Variants in TLN1 observed in about 807,000 individuals in gnomAD.
The protein encoded by TLN1 is talin 1.
TLN1 carries 56 observed loss-of-function variants against 292.3 expected under a neutral mutation model. The observed-to-expected ratio is 0.19, with a 90% confidence interval of 0.15 to 0.24. The LOEUF (loss-of-function observed/expected upper bound fraction) is 0.24. Among genes scored for constraint, TLN1 ranks in the 10% least tolerant of loss-of-function variants. TLN1 has a pLI of 1.00. For synonymous variants in TLN1, 1,119 were observed against 1,253.7 expected, an observed-to-expected ratio of 0.89 and a Z score of 2.27; for missense variants, 2,433 against 3,248.2, an observed-to-expected ratio of 0.75 and a Z score of 6.10.
At chr9:35,721,988 G>A in intron 9 of TLN1, 131 bp downstream of exon 9, 1 of 1,148,238 alleles carries the variant, frequency 8.7e-7, no homozygotes, top group Non-Finnish European at 1.3e-6. Context: ...CATGAGGTCA[G>A]AGCAAGGAAG....
In TLN1 at chr9:35,708,479, T is replaced by C. The variant is rs766678363; in HGVS notation, c.4332A>G (p.Ala1444=). The C allele has an allele frequency of 1.3e-6, 2 of 1,575,562 alleles. No individual in the cohort carries two copies. The highest frequency in any genetic ancestry group is 1.7e-6 in the Non-Finnish European group (2 of 1,157,006). ...TGGGGTCAGAGACACCAACCAGATA[T>C]GCAGCCTGGGAAGAGAAAAGGGGGT... ...CGFTEAAAQA[A]YLVGVSDPNS... is the part of the protein sequence containing the mutation. Residue 1444 remains alanine (A), a synonymous_variant, in exon 34 of 57, where the codon GCA becomes GCG. Transcript: ENST00000314888.
intron 25 of TLN1, 130 bp from the exon 26 acceptor site, chr9:35,713,428 A>G (rs1825712743): frequency 2.9e-6 from 2 of 679,904 alleles, no homozygotes. Flanking sequence ...TCCCACCTAT[A>G]ATCCTAGCAC....
chr9:35,725,523 A>G (rs1199907420), intron 2 of TLN1, 42 bp downstream of exon 2: 1 of 1,603,352 alleles, frequency 6.2e-7, no homozygotes, highest in Non-Finnish European at 8.5e-7. Flanking sequence ...ACAAGAAGGG[A>G]CTGAAGACTC....
intron 1 of TLN1, among the ~76,000 whole-genome samples, chr9:35,726,440 C>CTCCTGCTGTG (rs1825979946): frequency 6.6e-6 from 1 of 152,190 alleles, no homozygotes; most frequent in South Asian, 2.1e-4. Context: ...CTCTCTTTGT[C>CTCCTGCTGTG]TCCTGCTGTG....
rs754302078 is a variant in TLN1, at chr9:35,716,555, C to T, written c.2460G>A (p.Gly820=). Residue 820 remains glycine (G), a splice_region_variant and synonymous_variant, in exon 20 of 57, where the codon GGG becomes GGA. Coordinates refer to ENST00000314888, the MANE Select transcript of TLN1 (RefSeq NM_006289.4). ...GGATGCGGGCCTGTCGCACCATCTCCCCTGAGAGCATAGGGCACAGTCAGG... is the reference window on the plus strand; with the variant it reads ...GGATGCGGGCCTGTCGCACCATCTCTCCTGAGAGCATAGGGCACAGTCAGG... ...ENIFSSMGDA[G]EMVRQARILA... 2 of 1,613,698 alleles carry T rather than the reference C, an allele frequency of 1.2e-6. No individual in the cohort carries two copies. Among genetic ancestry groups the T allele is most frequent in the African/African-American group, 1.3e-5 (1 of 74,916 alleles).
intron 56 of TLN1, 46 bp from the exon 57 acceptor site, chr9:35,697,962 G>C (rs1220598087): frequency 6.2e-7 from 1 of 1,613,826 alleles, no homozygotes; most frequent in Non-Finnish European, 8.5e-7. Context: ...ATGCACAGCA[G>C]GGGCATAGGG....
intron 10 of TLN1, 151 bp downstream of exon 10, chr9:35,721,497 T>C (rs1825878323): frequency 2.6e-6 from 2 of 770,412 alleles, no homozygotes; most frequent in African/African-American, 3.5e-5. Flanking sequence ...AGCCTCACAC[T>C]CTCCCAGAGG....
Position 35,704,394 on chromosome 9 carries a change from G to T in TLN1, c.5985C>A (p.Thr1995=), listed in dbSNP as rs777489525. 6.2e-7 allele frequency: 1 copy of T among 1,614,230 alleles called. No homozygotes were observed. The highest frequency in any genetic ancestry group is 1.3e-5 in the African/African-American group (1 of 75,064). The change falls in exon 45 of 57, where the codon ACC becomes ACA. Residue 1995 remains threonine, a synonymous_variant. Coordinates refer to ENST00000314888, the MANE Select transcript of TLN1 (RefSeq NM_006289.4). The surrounding 1 kb of genome is among the most constrained non-coding windows in gnomAD (Gnocchi z 6.9). ...VSGIIADLDT[T]IMFATAGTLN... is the part of the protein sequence containing the mutation. ...GCGTGCCAGCAGTGGCGAACATGAT[G>T]GTGGTGTCGAGGTCAGCAATGATAC...
At position 35,706,385 on chromosome 9, in the gene TLN1, C is replaced by G. The variant is rs1825565827; in HGVS notation, c.5191-19G>C. 1 of 1,611,162 alleles carries G rather than the reference C, an allele frequency of 6.2e-7. No homozygotes were observed. Among genetic ancestry groups the G allele is most frequent in the Non-Finnish European group, 8.5e-7 (1 of 1,178,408 alleles). ...GGGACACCTGAGGCAAGGGGTTGGACTAGGGGTCAGGTCCCCTCTCTCTCA... is the reference window on the plus strand; with the variant it reads ...GGGACACCTGAGGCAAGGGGTTGGAGTAGGGGTCAGGTCCCCTCTCTCTCA... On this transcript the variant is annotated intron_variant, in intron 39 of 56. Transcript: ENST00000314888. This position sits in a 1 kb window ranked among gnomAD's most constrained non-coding sequence, Gnocchi z 4.2.
chr9:35,712,592 G>A (rs1432802544), intron 27 of TLN1, among the ~76,000 whole-genome samples: 1 of 149,516 alleles, frequency 6.7e-6, no homozygotes, highest in Non-Finnish European at 1.5e-5. Flanking sequence ...AGACTGCACT[G>A]AGCCGAAATT....
At position 35,704,173 on chromosome 9, in the gene TLN1, C is replaced by T; in HGVS notation, c.6049G>A (p.Glu2017Lys). The T allele has an allele frequency of 6.3e-7, 1 of 1,588,724 alleles. No individual in the cohort carries two copies. Among genetic ancestry groups the T allele is most frequent in the Non-Finnish European group, 8.6e-7 (1 of 1,166,034 alleles). ...EGTETFADHR[E>K]GILKTAKVLV... ...ACCTTCGCAGTCTTCAGGATGCCCT[C>T]CCTGAGGGAGGGCCCAGCTTAGTCA... Residue 2017 changes from glutamate (E) to lysine (K), a missense_variant and splice_region_variant, in exon 46 of 57, where the codon GAG (glutamate) becomes AAG (lysine). Glu to Lys is a moderately conservative substitution (Grantham distance 56, BLOSUM62 1). Coordinates refer to ENST00000314888, the MANE Select transcript of TLN1 (RefSeq NM_006289.4). The surrounding 1 kb of genome is among the most constrained non-coding windows in gnomAD (Gnocchi z 6.9).
At position 35,699,103 on chromosome 9, in the gene TLN1, G is replaced by A. The variant is rs1393847864; in HGVS notation, c.6928C>T (p.Leu2310=). ...GCCTCAATGGCGGCTGCAGCTCCCA[G>A]GAGCTCATTCTCAGCAATGACTGTG... The part of the protein sequence containing the change: ...DPTVIAENEL[L]GAAAAIEAAA... Residue 2310 remains leucine (L), a synonymous_variant, in exon 52 of 57, where the codon CTG becomes TTG. Coordinates refer to ENST00000314888, the MANE Select transcript of TLN1 (RefSeq NM_006289.4). This position sits in a 1 kb window ranked among gnomAD's most constrained non-coding sequence, Gnocchi z 4.0. 1.2e-6 allele frequency: 2 copies of A among 1,613,990 alleles called. No homozygotes were observed. The highest frequency in any genetic ancestry group is 2.2e-5 in the East Asian group (1 of 44,880).
At chr9:35,728,611 TCACACAGCCCC>T (rs1826018544) in intron 1 of TLN1, among the ~76,000 whole-genome samples, 1 of 152,272 alleles carries the variant, frequency 6.6e-6, no homozygotes. Context: ...ATTATCTCAA[TCACACAGCCCC>T]CACACAGATC....
Position 35,712,898 on chromosome 9 carries a change from A to G in TLN1, c.3498T>C (p.Ile1166=). 2.5e-6 allele frequency: 4 copies of G among 1,603,490 alleles called. No homozygotes were observed. Among genetic ancestry groups the G allele is most frequent in the Non-Finnish European group, 3.4e-6 (4 of 1,174,764 alleles). Residue 1166 remains isoleucine (I), a synonymous_variant, in exon 27 of 57, where the codon ATT becomes ATC. Coordinates refer to ENST00000314888, the MANE Select transcript of TLN1 (RefSeq NM_006289.4). ...GGCCAGCTGCCTTTTTCGCCTCCTC[A>G]ATGAGGCTGCTGGCCTTGTCCAGCA... ...SDVLDKASSL[I]EEAKKAAGHP...
At position 35,719,896 on chromosome 9, in the gene TLN1, G is replaced by C. The variant is rs201749125; in HGVS notation, c.1465-43C>G. The C allele has an allele frequency of 8.7e-5, 136 of 1,568,348 alleles. 1 individual carries two copies. In the East Asian group the frequency reaches 3.2e-3, roughly 37 times the overall value. ...GAAACAGGGACTGGAATGGATGTTT[G>C]GAGAAAAGAGAAGGTAAAAGAGAAC... On this transcript the variant is annotated intron_variant, in intron 13 of 56. Coordinates refer to ENST00000314888, the MANE Select transcript of TLN1 (RefSeq NM_006289.4). This position sits in a 1 kb window ranked among gnomAD's most constrained non-coding sequence, Gnocchi z 4.6.
rs757373642 is a variant in TLN1 at position 35,724,729 on chromosome 9, G to A, written c.359-5C>T. 6 of 1,613,956 alleles carry A rather than the reference G, an allele frequency of 3.7e-6. No homozygotes were observed. In the Admixed American group the frequency reaches 8.3e-5, roughly 22 times the overall value. On this transcript the variant is annotated splice_region_variant and splice_polypyrimidine_tract_variant and intron_variant, in intron 4 of 56. Transcript: ENST00000314888. This position sits in a 1 kb window ranked among gnomAD's most constrained non-coding sequence, Gnocchi z 4.7. ...ATTCATCATGATTGGTGATGCCTGA[G>A]GAAGGAGATGGCTTGTTAGCTTCCC...
At chr9:35,725,816 T>C (rs1825966049) in intron 1 of TLN1, 89 bp from the exon 2 acceptor site, 4 of 1,189,614 alleles carry the variant, frequency 3.4e-6, no homozygotes, top group Non-Finnish European at 4.7e-6. Context: ...AGAGTGTTTT[T>C]GAAAGGGACT....
At chr9:35,723,743 G>A (rs1369406921) in intron 7 of TLN1, 3 of 647,018 alleles carry the variant, frequency 4.6e-6, no homozygotes, top group East Asian at 3.1e-5. Flanking sequence ...GATGGGGGTA[G>A]GGGCAGAGAT....
intron 11 of TLN1, 123 bp downstream of exon 11, chr9:35,720,689 G>T: frequency 9.6e-7 from 1 of 1,042,614 alleles, no homozygotes; most frequent in South Asian, 1.4e-5. Context: ...GCAGAGGCAA[G>T]ATCTCGGCTC....
Sources: allele counts gnomAD v4.1 joint callset (sites outside exome capture counted in the v4.1 genomes callset), GRCh38; gene constraint gnomAD v4.1.1; non-coding constraint Gnocchi (gnomAD v3.1); transcripts MANE v1.5; gene names NCBI Gene and HGNC (gene_info 2026-07-23, HGNC 2026-07-21).